The following PDE4B variants were observed in gnomAD, a reference collection of about 807,000 sequenced individuals.
The protein encoded by PDE4B is 3',5'-cyclic-AMP phosphodiesterase 4B.
A neutral mutation model predicts 82.2 loss-of-function variants in PDE4B; 20 were observed. The ratio of observed to expected loss-of-function variants is 0.24; its 90% CI spans 0.17 to 0.35. The LOEUF (loss-of-function observed/expected upper bound fraction) is 0.35. Ranked by LOEUF, PDE4B falls within the 10% of genes least tolerant of loss-of-function variation. PDE4B has a pLI of 1.00. For synonymous variants in PDE4B, 320 were observed against 318.9 expected, an observed-to-expected ratio of 1.00 and a Z score of -0.04; for missense variants, 655 against 907.2, an observed-to-expected ratio of 0.72 and a Z score of 3.57.
chr1:66,044,553 A>T (rs1654581805), intron 3 of PDE4B, among the ~76,000 whole-genome samples: 1 of 151,778 alleles, frequency 6.6e-6, no homozygotes, highest in African/African-American at 2.4e-5. Context: ...GTAAATGTTT[A>T]AAACATTGGC....
At chr1:66,185,049 C>T (rs1009266159) in intron 3 of PDE4B, among the ~76,000 whole-genome samples, 8 of 151,902 alleles carry the variant, frequency 5.3e-5, no homozygotes, top group Non-Finnish European at 1.2e-4. Context: ...TCCATGTGTT[C>T]TCATTGTTCA....
At chr1:65,943,920 A>G (rs1357641110) in intron 3 of PDE4B, among the ~76,000 whole-genome samples, 2 of 151,940 alleles carry the variant, frequency 1.3e-5, no homozygotes, top group African/African-American at 4.8e-5. Flanking sequence ...TTATAAGATC[A>G]TGTCATTTTT....
intron 7 of PDE4B, among the ~76,000 whole-genome samples, chr1:66,273,083 G>C (rs185402070): frequency 1.3e-5 from 2 of 152,126 alleles, no homozygotes; most frequent in East Asian, 3.9e-4. Flanking sequence ...CCCAGTTATG[G>C]TTACATTATT....
chr1:66,023,782 C>T (rs540705821), intron 3 of PDE4B, among the ~76,000 whole-genome samples: 122 of 152,086 alleles, frequency 8.0e-4, no homozygotes, highest in African/African-American at 2.8e-3. Flanking sequence ...ATAGTGTAAA[C>T]TTAATAATAA....
chr1:66,338,900 T>C (rs1362724043), intron 8 of PDE4B, among the ~76,000 whole-genome samples: 2 of 150,570 alleles, frequency 1.3e-5, no homozygotes, highest in African/African-American at 4.9e-5. Context: ...GCGCCTGTAG[T>C]CCCAGCTACT....
At chr1:65,909,033 A>G (rs1421237306) in intron 1 of PDE4B, among the ~76,000 whole-genome samples, 1 of 152,138 alleles carries the variant, frequency 6.6e-6, no homozygotes, top group Non-Finnish European at 1.5e-5. Context: ...CACTGAATTA[A>G]AACAGTTATA....
intron 7 of PDE4B, among the ~76,000 whole-genome samples, chr1:66,287,177 T>A (rs1011991565): frequency 2.0e-5 from 3 of 152,178 alleles, no homozygotes; most frequent in African/African-American, 7.2e-5. Context: ...CAGTGAAGAC[T>A]TTCAGAGCTG....
intron 3 of PDE4B, among the ~76,000 whole-genome samples, chr1:65,954,323 A>G (rs186899645): frequency 3.9e-5 from 6 of 152,270 alleles, no homozygotes; most frequent in Admixed American, 3.9e-4. Context: ...CCATACTTGA[A>G]TTACTGTAGT....
chr1:66,163,299 T>C (rs1646654879), intron 3 of PDE4B, among the ~76,000 whole-genome samples: 1 of 152,214 alleles, frequency 6.6e-6, no homozygotes, highest in Admixed American at 6.5e-5. Context: ...TGAAATTAAA[T>C]CTGACGTCTG....
intron 3 of PDE4B, among the ~76,000 whole-genome samples, chr1:65,938,941 T>C (rs1357231863): frequency 6.6e-6 from 1 of 152,098 alleles, no homozygotes; most frequent in Non-Finnish European, 1.5e-5. Context: ...GATAGCAGTA[T>C]GGAAGATAGA....
At position 66,372,774 on chromosome 1, in the gene PDE4B, G is replaced by T; in HGVS notation, c.*96G>T. The T allele has an allele frequency of 7.8e-7, 1 of 1,279,962 alleles. No individual in the cohort carries two copies. Among genetic ancestry groups the T allele is most frequent in the Non-Finnish European group, 1.1e-6 (1 of 925,374 alleles). The allele number at this position is 1,279,962 out of a possible 1,614,324, so 79.3% of individuals were successfully genotyped here. On this transcript the variant is annotated 3_prime_UTR_variant, in exon 17 of 17. Coordinates refer to ENST00000341517, the MANE Select transcript of PDE4B (RefSeq NM_002600.4). Reference sequence around the variant, plus strand: ...ACCATGGGGGCCAAGACCTGCACAGGACAAGGGCCACCTGGCCTTTCAGTT... The same window carrying T: ...ACCATGGGGGCCAAGACCTGCACAGTACAAGGGCCACCTGGCCTTTCAGTT...
At chr1:66,265,186 G>A (rs746447890) in intron 6 of PDE4B, among the ~76,000 whole-genome samples, 11 of 152,148 alleles carry the variant, frequency 7.2e-5, no homozygotes, top group Non-Finnish European at 1.3e-4. Context: ...TGGGGGTAGG[G>A]CCCAGCAGTG....
At chr1:66,210,769 C>T (rs916044944) in intron 3 of PDE4B, among the ~76,000 whole-genome samples, 1 of 151,462 alleles carries the variant, frequency 6.6e-6, no homozygotes, top group African/African-American at 2.4e-5. Context: ...GGTCCACAGC[C>T]AAAGTCATAT....
intron 6 of PDE4B, among the ~76,000 whole-genome samples, chr1:66,258,565 C>T (rs17459055): frequency 0.024 from 3,612 of 152,238 alleles, 64 homozygotes; most frequent in Admixed American, 0.036. Flanking sequence ...ACCCGTGATC[C>T]TGGAATGAGA....
At chr1:65,838,525 GTATATATATGTATGTGTA>G (rs1646168570) in intron 1 of PDE4B, among the ~76,000 whole-genome samples, 1 of 146,774 alleles carries the variant, frequency 6.8e-6, no homozygotes, top group African/African-American at 2.5e-5. Flanking sequence ...ATATGTATAT[GTATATATATGTATGTGTA>G]TATATGTATA....
chr1:65,930,938 T>G (rs1467676340), intron 3 of PDE4B, among the ~76,000 whole-genome samples: 1 of 152,218 alleles, frequency 6.6e-6, no homozygotes, highest in Non-Finnish European at 1.5e-5. Context: ...GGTTTGAATC[T>G]GTGTCCTCAC....
intron 3 of PDE4B, among the ~76,000 whole-genome samples, chr1:66,125,188 G>C (rs961079836): frequency 7.1e-6 from 1 of 139,882 alleles, no homozygotes. Flanking sequence ...TTTTGAGATG[G>C]AGTCTCACTC....
At chr1:66,204,911 T>C (rs1250975655) in intron 3 of PDE4B, among the ~76,000 whole-genome samples, 1 of 152,158 alleles carries the variant, frequency 6.6e-6, no homozygotes. Context: ...CAGATGGAAA[T>C]GCAGAAATCA....
chr1:66,141,086 T>C (rs1159574300), intron 3 of PDE4B, among the ~76,000 whole-genome samples: 1 of 152,080 alleles, frequency 6.6e-6, no homozygotes, highest in Non-Finnish European at 1.5e-5. Context: ...TGTCTATACA[T>C]GCATTTGTAT....
Sources: gnomAD v4.1 joint callset for allele counts (sites outside exome capture counted in the v4.1 genomes callset) on GRCh38, gnomAD v4.1.1 for gene constraint, MANE v1.5 for transcripts, NCBI Gene and HGNC (gene_info 2026-07-23, HGNC 2026-07-21) for gene names.